The following EPN2 variants were observed in gnomAD, a reference collection of about 807,000 sequenced individuals.
EPN2 encodes the protein epsin 2.
Under a neutral mutation model 61.7 loss-of-function variants are expected in EPN2, and 34 were observed. The ratio of observed to expected loss-of-function variants is 0.55; its 90% CI spans 0.42 to 0.73. The LOEUF (loss-of-function observed/expected upper bound fraction) is 0.73. EPN2 is among the 30% of genes least tolerant of loss of function. EPN2 has a pLI of 0.00. For synonymous variants in EPN2, 349 were observed against 353.6 expected (o/e 0.99, Z 0.15); for missense variants, 714 against 839.2 (o/e 0.85, Z 1.84).
At chr17:19,242,512 G>A (rs1036096388) in intron 1 of EPN2, among the ~76,000 whole-genome samples, 3 of 152,172 alleles carry the variant, frequency 2.0e-5, no homozygotes, top group African/African-American at 7.2e-5. Flanking sequence ...GATTCTTTCT[G>A]TGACTCATTC....
chr17:19,270,030 A>T (rs2045238268), intron 1 of EPN2, among the ~76,000 whole-genome samples: 1 of 152,208 alleles, frequency 6.6e-6, no homozygotes. Context: ...AGAGGATGGG[A>T]TCAGAAGTCA....
At chr17:19,263,832 A>G (rs1241443840) in intron 1 of EPN2, among the ~76,000 whole-genome samples, 1 of 152,036 alleles carries the variant, frequency 6.6e-6, no homozygotes, top group Non-Finnish European at 1.5e-5. Flanking sequence ...CTTGTGAGGC[A>G]TAAATATGCT....
chr17:19,295,054 A>G (rs762046352), intron 4 of EPN2, among the ~76,000 whole-genome samples: 9 of 151,986 alleles, frequency 5.9e-5, no homozygotes, highest in Non-Finnish European at 1.2e-4. Context: ...CTCTCTCTGT[A>G]TCATATCCTT....
chr17:19,267,743 A>G (rs2045214662), intron 1 of EPN2, among the ~76,000 whole-genome samples: 1 of 151,956 alleles, frequency 6.6e-6, no homozygotes, highest in South Asian at 2.1e-4. Context: ...GGGTTTCACC[A>G]TGTTGGTCAG....
At chr17:19,293,171 G>A (rs1413253399) in intron 4 of EPN2, among the ~76,000 whole-genome samples, 1 of 152,056 alleles carries the variant, frequency 6.6e-6, no homozygotes, top group African/African-American at 2.4e-5. Flanking sequence ...CTGAGGCCAG[G>A]AGTTCGAGGC....
rs772230550 is a variant in EPN2 at position 19,289,724 on chromosome 17, G to GTTTTGTTTTTTTTTT, written c.766+3938_766+3939insGTTTTTTTTTTTTTT. Reference sequence around the variant, plus strand: ...TGTTCGGCCTCACCTGGCGCTCATGGTTTTTTTTTTTTTTTTTTTTGAGAT... The same window carrying GTTTTGTTTTTTTTTT: ...TGTTCGGCCTCACCTGGCGCTCATGGTTTTGTTTTTTTTTTTTTTTTTTTTTTTTTTTTTTGAGAT... On this transcript the variant is annotated intron_variant, in intron 4 of 10. Coordinates refer to ENST00000314728, the MANE Select transcript of EPN2 (RefSeq NM_014964.5). 7.4e-4 allele frequency among the ~76,000 whole-genome samples: 58 copies of GTTTTGTTTTTTTTTT among 78,048 alleles called. 4 individuals carry two copies. Among genetic ancestry groups the GTTTTGTTTTTTTTTT allele is most frequent in the Middle Eastern group, 0.017 (1 of 60 alleles). 51.2% of individuals were successfully genotyped at this position (78,048 alleles called of 152,430 possible).
rs74519882 is a variant in EPN2 at position 19,326,864 on chromosome 17, C to T, written c.1148-1847C>T. On this transcript the variant is annotated intron_variant, in intron 7 of 10. Transcript: ENST00000314728. ...TCAAGAAGAAGGTAACCATAAGGGA[C>T]GATCGGTAAAAGACTCAAATTGGCA... Among the ~76,000 whole-genome samples the T allele has an allele frequency of 1.6e-3, 250 of 151,948 alleles. 5 individuals are homozygous for T. The East Asian group carries it at 0.044, about 27-fold the overall frequency.
intron 4 of EPN2, among the ~76,000 whole-genome samples, chr17:19,296,140 C>A (rs1293938810): frequency 6.6e-6 from 1 of 151,934 alleles, no homozygotes; most frequent in African/African-American, 2.4e-5. Flanking sequence ...GGCATGAAGT[C>A]ATTCATTCTA....
intron 1 of EPN2, among the ~76,000 whole-genome samples, chr17:19,253,826 G>C (rs1401229129): frequency 1.3e-5 from 2 of 152,146 alleles, no homozygotes; most frequent in Non-Finnish European, 2.9e-5. Context: ...TCTATTTATT[G>C]CAATAAACAC....
At position 19,335,315 on chromosome 17, in the gene EPN2, A is replaced by G; in HGVS notation, c.*1061A>G. ...CTGAGAGGCTATTTTTCTTACGAATATACCAACATCCTGAAAGTTAAAGAA... is the reference window on the plus strand; with the variant it reads ...CTGAGAGGCTATTTTTCTTACGAATGTACCAACATCCTGAAAGTTAAAGAA... On this transcript the variant is annotated 3_prime_UTR_variant, in exon 11 of 11. Transcript: ENST00000314728. 1 of 1,342,216 alleles carries G rather than the reference A, an allele frequency of 7.5e-7. No homozygotes were observed. The highest frequency in any genetic ancestry group is 1.0e-6 in the Non-Finnish European group (1 of 983,328). 83.1% of individuals were successfully genotyped at this position (1,342,216 alleles called of 1,614,324 possible). A position where few individuals can be genotyped will look rare whatever the true frequency, so the allele number is the denominator to read the frequency against.
At chr17:19,242,808 G>T (rs1597964823) in intron 1 of EPN2, among the ~76,000 whole-genome samples, 1 of 152,200 alleles carries the variant, frequency 6.6e-6, no homozygotes, top group African/African-American at 2.4e-5. Flanking sequence ...ATTGTTTAGG[G>T]CTAATGCATG....
At chr17:19,260,989 C>G (rs1056859216) in intron 1 of EPN2, among the ~76,000 whole-genome samples, 2 of 152,108 alleles carry the variant, frequency 1.3e-5, no homozygotes, top group Non-Finnish European at 2.9e-5. Flanking sequence ...GAAGTTGTCC[C>G]TGTTTGAATA....
At chr17:19,297,928 AC>A (rs2045536828) in intron 4 of EPN2, among the ~76,000 whole-genome samples, 1 of 152,124 alleles carries the variant, frequency 6.6e-6, no homozygotes, top group Non-Finnish European at 1.5e-5. Context: ...TCACTCTGTC[AC>A]CCAGTGGCAC....
chr17:19,248,715 C>T (rs946652942), intron 1 of EPN2, among the ~76,000 whole-genome samples: 5 of 152,156 alleles, frequency 3.3e-5, no homozygotes, highest in Non-Finnish European at 1.5e-5. Flanking sequence ...TGGCTGGGAA[C>T]GCCTGAGTGA....
At chr17:19,273,652 C>T (rs1364559329) in intron 1 of EPN2, among the ~76,000 whole-genome samples, 1 of 152,164 alleles carries the variant, frequency 6.6e-6, no homozygotes, top group Non-Finnish European at 1.5e-5. Context: ...TGTGTAGCAC[C>T]CTGCCCAGCT....
At chr17:19,333,928 G>A (rs760639155) in intron 10 of EPN2, 28 bp from the exon 11 acceptor site, 4 of 1,510,356 alleles carry the variant, frequency 2.6e-6, no homozygotes, top group Non-Finnish European at 3.6e-6. Flanking sequence ...TGACGGCTCA[G>A]CCTCTGCCCC....
chr17:19,253,154 C>T (rs546821912), intron 1 of EPN2, among the ~76,000 whole-genome samples: 7 of 152,254 alleles, frequency 4.6e-5, no homozygotes, highest in South Asian at 2.1e-4. Flanking sequence ...CCCTGGTATC[C>T]GTTAACCTAC....
chr17:19,271,088 GT>G (rs1226756349), intron 1 of EPN2, among the ~76,000 whole-genome samples: 1 of 152,080 alleles, frequency 6.6e-6, no homozygotes, highest in African/African-American at 2.4e-5. Flanking sequence ...CATGGAAGGT[GT>G]TTGTTGAGGG....
chr17:19,256,422 A>AC (rs1232785212), intron 1 of EPN2, among the ~76,000 whole-genome samples: 3 of 149,752 alleles, frequency 2.0e-5, no homozygotes, highest in Non-Finnish European at 4.5e-5. Flanking sequence ...CCTGTCTCAA[A>AC]AAAAAAAAAA....
Sources: gnomAD v4.1 joint callset for allele counts (sites outside exome capture counted in the v4.1 genomes callset) on GRCh38, gnomAD v4.1.1 for gene constraint, MANE v1.5 for transcripts, NCBI Gene and HGNC (gene_info 2026-07-23, HGNC 2026-07-21) for gene names.